Variants in VPS54 observed in about 807,000 individuals in gnomAD.
The protein encoded by VPS54 is vacuolar protein sorting-associated protein 54.
In VPS54, 45 loss-of-function variants were observed where a neutral mutation model predicts 121.5. That is an observed-to-expected ratio of 0.37 (90% CI 0.29 to 0.47). The LOEUF (loss-of-function observed/expected upper bound fraction) is 0.47, where lower values mean the gene tolerates loss of function less well. VPS54 is among the 20% of genes least tolerant of loss of function. The probability of loss-of-function intolerance (pLI) is 0.99; values close to 1 mark genes in which losing one functional copy is unlikely to be tolerated. For synonymous variants in VPS54, 371 were observed against 385.8 expected (o/e 0.96, Z 0.45); for missense variants, 1,090 against 1,131.4 (o/e 0.96, Z 0.52).
intron 12 of VPS54, among the ~76,000 whole-genome samples, chr2:63,928,653 A>G (rs1674032918): frequency 6.6e-6 from 1 of 152,164 alleles, no homozygotes; most frequent in African/African-American, 2.4e-5. Flanking sequence ...AAATTCACAC[A>G]TAACAATATT....
chr2:64,002,595 G>GA (rs1017809600), intron 1 of VPS54, among the ~76,000 whole-genome samples: 17 of 152,040 alleles, frequency 1.1e-4, no homozygotes, highest in East Asian at 3.9e-4. Context: ...TGTTTTTACA[G>GA]AAAAAAAATC....
At chr2:63,989,044 C>A (rs1446074728) in intron 1 of VPS54, among the ~76,000 whole-genome samples, 4 of 152,122 alleles carry the variant, frequency 2.6e-5, no homozygotes, top group Non-Finnish European at 5.9e-5. Flanking sequence ...GGAGTGTCTG[C>A]CTTACGCAGT....
intron 1 of VPS54, among the ~76,000 whole-genome samples, chr2:63,989,991 G>C (rs1329939971): frequency 1.3e-5 from 2 of 152,204 alleles, no homozygotes; most frequent in East Asian, 1.9e-4. Flanking sequence ...GGATCGTGTT[G>C]GTGCAACATT....
chr2:63,911,231 G>A (rs1673135345), intron 20 of VPS54, among the ~76,000 whole-genome samples: 1 of 152,132 alleles, frequency 6.6e-6, no homozygotes, highest in Admixed American at 6.5e-5. Context: ...CACCAGTGAA[G>A]AAAATAAAGC....
At chr2:63,930,322 A>G (rs550053601) in intron 12 of VPS54, among the ~76,000 whole-genome samples, 1 of 152,350 alleles carries the variant, frequency 6.6e-6, no homozygotes, top group South Asian at 2.1e-4. Flanking sequence ...ACCAAGATCA[A>G]GTCAGCTTCA....
At chr2:64,003,350 T>C (rs1169893466) in intron 1 of VPS54, among the ~76,000 whole-genome samples, 2 of 152,214 alleles carry the variant, frequency 1.3e-5, no homozygotes, top group African/African-American at 4.8e-5. Context: ...CACATGGTAA[T>C]CTCCTTATAA....
intron 3 of VPS54, chr2:63,974,916 CT>C: frequency 1.4e-6 from 2 of 1,423,234 alleles, no homozygotes; most frequent in Non-Finnish European, 1.9e-6. Context: ...ATTTTATTTC[CT>C]TTTCTTATTA....
intron 3 of VPS54, among the ~76,000 whole-genome samples, chr2:63,973,491 AT>A (rs1407934601): frequency 1.3e-5 from 2 of 152,100 alleles, no homozygotes; most frequent in African/African-American, 2.4e-5. Context: ...TCCTTTACTC[AT>A]TTTTTAATTT....
At chr2:63,924,408 T>A (rs574962306) in intron 12 of VPS54, among the ~76,000 whole-genome samples, 189 of 152,220 alleles carry the variant, frequency 1.2e-3, no homozygotes, top group African/African-American at 4.5e-3. Context: ...CAAATCTACA[T>A]GAAGGTAACA....
At chr2:63,935,097 G>T (rs1306088073) in intron 11 of VPS54, among the ~76,000 whole-genome samples, 2 of 152,070 alleles carry the variant, frequency 1.3e-5, no homozygotes, top group Non-Finnish European at 2.9e-5. Flanking sequence ...TATTAGTAAG[G>T]TACATAGAAG....
intron 12 of VPS54, among the ~76,000 whole-genome samples, chr2:63,931,229 G>A (rs910739505): frequency 6.6e-6 from 1 of 152,138 alleles, no homozygotes; most frequent in Admixed American, 6.5e-5. Context: ...AAAGCTGGAG[G>A]CATCATGCTA....
intron 1 of VPS54, among the ~76,000 whole-genome samples, chr2:63,985,752 A>G (rs991887920): frequency 1.3e-5 from 2 of 151,978 alleles, no homozygotes; most frequent in Non-Finnish European, 2.9e-5. Context: ...TCTCTATGCA[A>G]TAAGGAGACA....
intron 16 of VPS54, among the ~76,000 whole-genome samples, chr2:63,916,014 A>C (rs887335998): frequency 6.6e-6 from 1 of 152,206 alleles, no homozygotes; most frequent in African/African-American, 2.4e-5. Context: ...GGTCATTTCA[A>C]AAAACACTTG....
At position 63,962,124 on chromosome 2, in the gene VPS54, G is replaced by C. The variant is rs933653293; in HGVS notation, c.944C>G (p.Ala315Gly). 4.4e-6 allele frequency: 7 copies of C among 1,608,640 alleles called. No individual in the cohort carries two copies. Among genetic ancestry groups the C allele is most frequent in the African/African-American group, 2.7e-5 (2 of 74,826 alleles). Residue 315 changes from alanine (A) to glycine (G), a missense_variant, in exon 7 of 23, where the codon GCA becomes GGA. Ala to Gly is a moderately conservative substitution (Grantham distance 60, BLOSUM62 0). This residue lies in a region of VPS54 where 801 missense variants were observed against 757.0 expected (regional missense o/e 1.06). Coordinates refer to ENST00000272322, the MANE Select transcript of VPS54 (RefSeq NM_016516.3). ...TTGTGTTGTTGCTATTAAGTCCAAT[G>C]CTCCAACAAATTCAGAAGTAGATAA... is the stretch of plus-strand genomic sequence containing the variant. ...VLLSTSEFVG[A>G]LDLIATTQEV...
intron 3 of VPS54, among the ~76,000 whole-genome samples, chr2:63,979,243 T>G (rs1448148846): frequency 1.4e-5 from 2 of 147,610 alleles, no homozygotes; most frequent in African/African-American, 2.5e-5. Flanking sequence ...TTCTGTTTGT[T>G]TTTTTTTTTT....
chr2:63,988,966 T>C (rs894204823), intron 1 of VPS54, among the ~76,000 whole-genome samples: 17 of 152,128 alleles, frequency 1.1e-4, no homozygotes, highest in African/African-American at 1.7e-4. Flanking sequence ...GGAATATTAA[T>C]AATTAACAGC....
intron 12 of VPS54, among the ~76,000 whole-genome samples, chr2:63,926,868 G>A (rs147937984): frequency 0.018 from 2,775 of 152,222 alleles, 34 homozygotes; most frequent in Non-Finnish European, 0.022. Context: ...CCACACCCAC[G>A]GAGCCTTGCT....
intron 1 of VPS54, among the ~76,000 whole-genome samples, chr2:63,997,034 C>T (rs997235135): frequency 6.6e-6 from 1 of 152,200 alleles, no homozygotes; most frequent in Non-Finnish European, 1.5e-5. Flanking sequence ...AGACACTCAG[C>T]TTTAAAATTT....
At chr2:63,903,152 C>T (rs1481459149) in intron 20 of VPS54, among the ~76,000 whole-genome samples, 1 of 152,106 alleles carries the variant, frequency 6.6e-6, no homozygotes, top group East Asian at 1.9e-4. Context: ...TGATCAAAAA[C>T]ACACAGAACT....
Sources: gnomAD v4.1 joint callset for allele counts (sites outside exome capture counted in the v4.1 genomes callset) on GRCh38, gnomAD v4.1.1 for gene constraint, gnomAD v4.1.1 regional missense constraint, MANE v1.5 for transcripts, NCBI Gene and HGNC (gene_info 2026-07-23, HGNC 2026-07-21) for gene names.